JMJD1C: variants seen among roughly 807,000 people sequenced by gnomAD.
JMJD1C encodes the protein jumonji domain containing 1C, also known as jumonji domain-containing protein 1C.
JMJD1C carries 31 observed loss-of-function variants against 245.3 expected under a neutral mutation model. The observed-to-expected ratio is 0.13, with a 90% CI of 0.09 to 0.17. The LOEUF (loss-of-function observed/expected upper bound fraction) is 0.17. Ranked by LOEUF, JMJD1C falls within the 10% of genes least tolerant of loss-of-function variation. JMJD1C has a pLI of 1.00. For missense variants in JMJD1C, 2,691 were observed against 3,000.2 expected (o/e 0.90, Z 2.41); for synonymous variants, 1,057 against 1,017.4 (o/e 1.04, Z -0.74).
intron 1 of JMJD1C, among the ~76,000 whole-genome samples, chr10:63,384,193 CTT>C (rs2134532461): frequency 6.6e-6 from 1 of 152,304 alleles, no homozygotes; most frequent in East Asian, 1.9e-4. Context: ...TTACAAATCT[CTT>C]GATATATCTA....
At chr10:63,225,407 T>C (rs1849142407) in intron 3 of JMJD1C, among the ~76,000 whole-genome samples, 1 of 152,200 alleles carries the variant, frequency 6.6e-6, no homozygotes, top group East Asian at 1.9e-4. Flanking sequence ...CAGTCACTTG[T>C]GTGTTGTTCC....
In JMJD1C at chr10:63,284,171, C is replaced by T. The variant is rs572094758; in HGVS notation, c.334-19407G>A. 7.0e-4 allele frequency among the ~76,000 whole-genome samples: 106 copies of T among 152,030 alleles called. 1 individual carries two copies. The highest frequency in any genetic ancestry group is 2.3e-3 in the African/African-American group (95 of 41,460). ...CTCCTGAGTAACAGGGATACAGGCG[C>T]GCACCAACACGCCTGGCTAATTTTT... On this transcript the variant is annotated intron_variant, in intron 2 of 25. Transcript: ENST00000399262.
At chr10:63,353,250 A>G (rs1300302120) in intron 2 of JMJD1C, among the ~76,000 whole-genome samples, 1 of 152,130 alleles carries the variant, frequency 6.6e-6, no homozygotes, top group Non-Finnish European at 1.5e-5. Context: ...AGAAGAAAAT[A>G]CAGTATTTTT....
At chr10:63,395,719 A>T (rs1481026539) in intron 1 of JMJD1C, among the ~76,000 whole-genome samples, 1 of 152,218 alleles carries the variant, frequency 6.6e-6, no homozygotes, top group African/African-American at 2.4e-5. Context: ...CCCCAAAATG[A>T]AGTGGGACAA....
In JMJD1C at chr10:63,200,557, C is replaced by G; in HGVS notation, c.5195G>C (p.Arg1732Pro). Residue 1732 changes from arginine to proline, a missense_variant, in exon 11 of 26, where the codon CGA (arginine) becomes CCA (proline). Arg to Pro is a moderately radical substitution (Grantham distance 103, BLOSUM62 -2). Coordinates refer to ENST00000399262, the MANE Select transcript of JMJD1C (RefSeq NM_032776.3). ...TTTACTGCGAATAAGTCTACATTCT[C>G]GACACTTTTGTAAATTAGGCCCTAT... ...CEIGPNLQKC[R>P]ECRLIRSKKG... 1 of 1,613,910 alleles carries G rather than the reference C, an allele frequency of 6.2e-7. No individual in the cohort carries two copies.
At chr10:63,180,198 T>G (rs377549242) in intron 22 of JMJD1C, among the ~76,000 whole-genome samples, 81 of 152,138 alleles carry the variant, frequency 5.3e-4, no homozygotes, top group African/African-American at 1.9e-3. Flanking sequence ...TAACTACAGA[T>G]GGGGTTTCAC....
intron 1 of JMJD1C, among the ~76,000 whole-genome samples, chr10:63,449,983 C>T (rs1951941208): frequency 6.6e-6 from 1 of 152,040 alleles, no homozygotes; most frequent in Admixed American, 6.6e-5. Context: ...CATGGTGGCA[C>T]ATACCTGTGG....
chr10:63,464,453 T>G (rs992869601), intron 1 of JMJD1C, among the ~76,000 whole-genome samples: 4 of 152,150 alleles, frequency 2.6e-5, no homozygotes, highest in African/African-American at 9.7e-5. Flanking sequence ...AAAAATTTCC[T>G]AAATTTGAAG....
chr10:63,491,051 T>C (rs1342145251), intron 1 of JMJD1C, among the ~76,000 whole-genome samples: 1 of 152,194 alleles, frequency 6.6e-6, no homozygotes, highest in Non-Finnish European at 1.5e-5. Context: ...AGATGACGAA[T>C]TGTTGTATCT....
At position 63,214,901 on chromosome 10, in the gene JMJD1C, T is replaced by G. The variant is rs781203155; in HGVS notation, c.1266A>C (p.Ala422=). The change falls in exon 8 of 26, where the codon GCA becomes GCC. Residue 422 remains alanine (A), a synonymous_variant. Transcript: ENST00000399262. ...GGCTATTTTTTAGGGTCTCTTCTCC[T>G]GCCTTCTCATTATTATGGGGTTTTC... ...EEGKPHNNEK[A]GEETLKNSQP... is the part of the protein sequence containing the mutation. 1 of 1,613,166 alleles carries G rather than the reference T, an allele frequency of 6.2e-7. No individual in the cohort carries two copies. The highest frequency in any genetic ancestry group is 8.5e-7 in the Non-Finnish European group (1 of 1,179,336).
chr10:63,520,714 G>A (rs1253585844), intron 1 of JMJD1C, among the ~76,000 whole-genome samples: 1 of 152,104 alleles, frequency 6.6e-6, no homozygotes, highest in Non-Finnish European at 1.5e-5. Context: ...ATGGAGATTC[G>A]TGTCTGTAAA....
intron 3 of JMJD1C, among the ~76,000 whole-genome samples, chr10:63,229,782 A>G (rs1019895855): frequency 6.6e-6 from 1 of 152,192 alleles, no homozygotes; most frequent in African/African-American, 2.4e-5. Flanking sequence ...TAATTATTAC[A>G]TTTTTGCATT....
chr10:63,479,323 T>A (rs1360014980), intron 1 of JMJD1C, among the ~76,000 whole-genome samples: 1 of 151,428 alleles, frequency 6.6e-6, no homozygotes, highest in African/African-American at 2.4e-5. Flanking sequence ...AGATGTCGTA[T>A]CATCTCACCC....
At chr10:63,312,562 TTTC>T (rs1272538389) in intron 2 of JMJD1C, among the ~76,000 whole-genome samples, 1 of 152,226 alleles carries the variant, frequency 6.6e-6, no homozygotes, top group African/African-American at 2.4e-5. Context: ...ATAAAAATAA[TTTC>T]TTTCTTACAA....
rs909078322 is a variant in JMJD1C, at chr10:63,189,234, T to C, written c.6504A>G (p.Leu2168=). 53 of 1,613,108 alleles carry C rather than the reference T, an allele frequency of 3.3e-5. No homozygotes were observed. The highest frequency in any genetic ancestry group is 4.2e-5 in the Non-Finnish European group (50 of 1,179,400). The change falls in exon 18 of 26, where the codon TTA becomes TTG. Residue 2168 remains leucine (L), a synonymous_variant. Transcript: ENST00000399262. ...PHSWICEKHI[L]WLKDYKNSSN... ...TGCTATTCTTATAATCCTTAAGCCA[T>C]AAAATATGCTTCTCACAGATCCAAG... is the stretch of plus-strand genomic sequence containing the variant.
Position 63,224,551 on chromosome 10 carries a change from A to G in JMJD1C, c.448-4568T>C, listed in dbSNP as rs1483757109. 5.3e-5 allele frequency among the ~76,000 whole-genome samples: 8 copies of G among 152,316 alleles called. No individual in the cohort carries two copies. In the South Asian group the frequency reaches 1.7e-3, roughly 32 times the overall value. ...AAAGAGGATTATTAAAGGTTAAATG[A>G]GCAAATCTTGAAACAAAGCCAAATA... On this transcript the variant is annotated intron_variant, in intron 3 of 25. Coordinates refer to ENST00000399262, the MANE Select transcript of JMJD1C (RefSeq NM_032776.3).
At chr10:63,428,608 A>T (rs538300232) in intron 1 of JMJD1C, among the ~76,000 whole-genome samples, 1 of 152,326 alleles carries the variant, frequency 6.6e-6, no homozygotes, top group East Asian at 1.9e-4. Context: ...GAACAAAACC[A>T]TTCTTCAGTT....
chr10:63,214,107 T>A lies in JMJD1C; in HGVS notation c.2060A>T (p.His687Leu). 1 of 1,614,254 alleles carries A rather than the reference T, an allele frequency of 6.2e-7. No individual in the cohort carries two copies. Among genetic ancestry groups the A allele is most frequent in the South Asian group, 1.1e-5 (1 of 91,088 alleles). Residue 687 changes from histidine (H) to leucine (L), a missense_variant, in exon 8 of 26, where the codon CAT becomes CTT. This residue lies in a region of JMJD1C where 1,562 missense variants were observed against 1,490.7 expected (regional missense o/e 1.05). Coordinates refer to ENST00000399262, the MANE Select transcript of JMJD1C (RefSeq NM_032776.3). ...IEHELSRCSF[H>L]PIPTRSSTLE... ...TGTACTGCTTCGAGTAGGAATTGGA[T>A]GAAAACTGCATCTTGATAGCTCATG...
intron 16 of JMJD1C, 31 bp downstream of exon 16, chr10:63,192,907 C>G: frequency 6.6e-7 from 1 of 1,507,242 alleles, no homozygotes; most frequent in East Asian, 2.3e-5. Context: ...ATACTCCTCT[C>G]ACACATGCCT....
Sources: allele counts gnomAD v4.1 joint callset (sites outside exome capture counted in the v4.1 genomes callset), GRCh38; gene constraint gnomAD v4.1.1; regional missense constraint gnomAD v4.1.1; transcripts MANE v1.5; gene names NCBI Gene and HGNC (gene_info 2026-07-23, HGNC 2026-07-21).